The following NELL2 variants were observed in gnomAD, a reference collection of about 807,000 sequenced individuals.
NELL2 encodes the protein protein kinase C-binding protein NELL2.
A neutral mutation model predicts 109.6 loss-of-function variants in NELL2; 41 were observed. The ratio of observed to expected loss-of-function variants is 0.37; its 90% CI spans 0.29 to 0.49. The LOEUF is 0.49. NELL2 is among the 20% of genes least tolerant of loss of function. NELL2 has a pLI of 0.98. For synonymous variants in NELL2, 355 were observed against 344.7 expected (o/e 1.03, Z -0.33); for missense variants, 900 against 1,008.3 (o/e 0.89, Z 1.45).
chr12:44,846,197 CTG>C (rs1356789581), intron 2 of NELL2, among the ~76,000 whole-genome samples: 1 of 152,206 alleles, frequency 6.6e-6, no homozygotes, highest in Admixed American at 6.5e-5. Flanking sequence ...CACATAGCAT[CTG>C]TGGTTCATTA....
At chr12:44,634,474 C>T (rs1946565726) in intron 13 of NELL2, among the ~76,000 whole-genome samples, 1 of 152,124 alleles carries the variant, frequency 6.6e-6, no homozygotes, top group African/African-American at 2.4e-5. Context: ...TTTCCAACTT[C>T]ATCCATGTCC....
intron 15 of NELL2, among the ~76,000 whole-genome samples, chr12:44,587,284 A>AAAAAAAAAT: frequency 0.014 from 1,027 of 72,102 alleles, 40 homozygotes; most frequent in Non-Finnish European, 0.019. Flanking sequence ...AAAAAAAAAA[A>AAAAAAAAAT]ATATATATAT....
chr12:44,895,676 T>C (rs1417642078), intron 1 of NELL2, among the ~76,000 whole-genome samples: 8 of 152,106 alleles, frequency 5.3e-5, no homozygotes, highest in Non-Finnish European at 1.2e-4. Flanking sequence ...CAATAAGATT[T>C]TTGTTGAGGC....
chr12:44,741,332 G>T (rs1414962814), intron 9 of NELL2, among the ~76,000 whole-genome samples: 1 of 152,142 alleles, frequency 6.6e-6, no homozygotes, highest in Non-Finnish European at 1.5e-5. Flanking sequence ...GAGGAGCCAA[G>T]ATGGCCAAAT....
intron 2 of NELL2, among the ~76,000 whole-genome samples, chr12:44,825,252 T>C (rs1943672255): frequency 6.6e-6 from 1 of 152,156 alleles, no homozygotes; most frequent in Non-Finnish European, 1.5e-5. Context: ...ACAGGATATC[T>C]TTCCATTTAT....
intron 15 of NELL2, among the ~76,000 whole-genome samples, chr12:44,576,868 C>T (rs1342221923): frequency 1.3e-5 from 2 of 150,332 alleles, no homozygotes; most frequent in Non-Finnish European, 3.0e-5. Flanking sequence ...CTACAAAGGA[C>T]ATGAACTCAT....
intron 12 of NELL2, among the ~76,000 whole-genome samples, chr12:44,666,014 G>T (rs975737910): frequency 6.6e-6 from 1 of 152,142 alleles, no homozygotes. Flanking sequence ...GACCCTGAAA[G>T]AGGAAAATAA....
At chr12:44,510,353 A>T (rs2138953390) in intron 19 of NELL2, among the ~76,000 whole-genome samples, 1 of 152,326 alleles carries the variant, frequency 6.6e-6, no homozygotes, top group African/African-American at 2.4e-5. Flanking sequence ...TATCATGTCC[A>T]AAATCACACA....
intron 1 of NELL2, among the ~76,000 whole-genome samples, chr12:44,881,418 A>C (rs1945410600): frequency 6.6e-6 from 1 of 152,014 alleles, no homozygotes; most frequent in African/African-American, 2.4e-5. Flanking sequence ...CAGCAAATAC[A>C]TAAAAGATAT....
At chr12:44,874,575 G>A (rs1033963433) in intron 2 of NELL2, among the ~76,000 whole-genome samples, 2 of 152,122 alleles carry the variant, frequency 1.3e-5, no homozygotes, top group Admixed American at 6.5e-5. Flanking sequence ...TTGTAAAATC[G>A]TAAGTACACA....
chr12:44,607,310 G>C (rs2136246692), intron 14 of NELL2, 46 bp from the exon 15 acceptor site: 4 of 1,507,102 alleles, frequency 2.7e-6, no homozygotes, highest in Non-Finnish European at 3.7e-6. Flanking sequence ...GAAGTAAGTA[G>C]TTTAATAAAC....
At chr12:44,589,567 G>T (rs1944667995) in intron 15 of NELL2, among the ~76,000 whole-genome samples, 1 of 152,062 alleles carries the variant, frequency 6.6e-6, no homozygotes, top group African/African-American at 2.4e-5. Flanking sequence ...TTTTAGTAAA[G>T]ATGCGGTTTC....
chr12:44,544,835 C>T (rs547393828), intron 15 of NELL2, among the ~76,000 whole-genome samples: 2 of 152,010 alleles, frequency 1.3e-5, no homozygotes, highest in Non-Finnish European at 2.9e-5. Flanking sequence ...TGAGGGTAAC[C>T]TAATCAGAAT....
intron 1 of NELL2, among the ~76,000 whole-genome samples, chr12:44,882,299 C>T (rs978005332): frequency 1.3e-5 from 2 of 151,204 alleles, no homozygotes; most frequent in Non-Finnish European, 2.9e-5. Context: ...ATTACCACAA[C>T]TTTGGTGGAT....
chr12:44,644,304 T>C (rs1409353394), intron 13 of NELL2, among the ~76,000 whole-genome samples: 2 of 152,028 alleles, frequency 1.3e-5, no homozygotes, highest in African/African-American at 4.8e-5. Context: ...GTGTGGCATG[T>C]AATTGAGTTG....
chr12:44,556,895 T>A (rs1474654077), intron 15 of NELL2, among the ~76,000 whole-genome samples: 2 of 152,094 alleles, frequency 1.3e-5, no homozygotes, highest in African/African-American at 4.8e-5. Flanking sequence ...GGCAGGTGCA[T>A]ATTTTTGTGA....
At chr12:44,827,320 T>C (rs1425803531) in intron 2 of NELL2, among the ~76,000 whole-genome samples, 2 of 152,110 alleles carry the variant, frequency 1.3e-5, no homozygotes, top group Non-Finnish European at 2.9e-5. Flanking sequence ...TATACTCTTT[T>C]AGTTATTTTT....
chr12:44,905,422 G>C (rs1372211015), intron 1 of NELL2, among the ~76,000 whole-genome samples: 1 of 151,860 alleles, frequency 6.6e-6, no homozygotes, highest in African/African-American at 2.4e-5. Flanking sequence ...TCTTGTAGCT[G>C]TTTATTAATC....
At chr12:44,602,572 T>G (rs1443676578) in intron 15 of NELL2, among the ~76,000 whole-genome samples, 1 of 152,188 alleles carries the variant, frequency 6.6e-6, no homozygotes, top group Non-Finnish European at 1.5e-5. Flanking sequence ...TTTTAATTTC[T>G]TTTTATCAAA....
Sources: allele counts gnomAD v4.1 joint callset (sites outside exome capture counted in the v4.1 genomes callset), GRCh38; gene constraint gnomAD v4.1.1; transcripts MANE v1.5; gene names NCBI Gene and HGNC (gene_info 2026-07-23, HGNC 2026-07-21).